Variants in NOX3 observed in about 807,000 individuals in gnomAD.
NOX3 encodes NADPH oxidase catalytic subunit-like 3.
Under a neutral mutation model 76.7 loss-of-function variants are expected in NOX3, and 74 were observed. The ratio of observed to expected loss-of-function variants is 0.96; its 90% CI spans 0.80 to 1.17. The LOEUF (loss-of-function observed/expected upper bound fraction) is 1.17. Ranked by LOEUF, NOX3 falls within the 50% of genes most tolerant of loss-of-function variation. The pLI, the probability that NOX3 is intolerant of heterozygous loss-of-function variation, is 0.00. For synonymous variants in NOX3, 263 were observed against 261.1 expected (o/e 1.01, Z -0.07); for missense variants, 695 against 703.3 (o/e 0.99, Z 0.13).
intron 6 of NOX3, 130 bp from the exon 7 acceptor site, chr6:155,436,677 C>T (rs56095190): frequency 0.046 from 41,381 of 896,830 alleles, 1,287 homozygotes; most frequent in Middle Eastern, 0.068. Flanking sequence ...TCTTGAAACT[C>T]GGGCTGTCAT....
chr6:155,413,393 T>C (rs231937), intron 10 of NOX3, among the ~76,000 whole-genome samples: 51,187 of 151,152 alleles, frequency 0.34, 11,376 homozygotes, highest in African/African-American at 0.63. Context: ...TTGGGGCCGT[T>C]GTAGACTTTC....
At chr6:155,452,638 CT>C (rs34384795) in intron 4 of NOX3, among the ~76,000 whole-genome samples, 26 of 149,586 alleles carry the variant, frequency 1.7e-4, no homozygotes, top group East Asian at 5.9e-4. Context: ...TTTTACTCTG[CT>C]TTTTTTTTTA....
intron 10 of NOX3, among the ~76,000 whole-genome samples, chr6:155,420,499 A>G (rs1040339556): frequency 6.6e-6 from 1 of 152,146 alleles, no homozygotes; most frequent in Admixed American, 6.5e-5. Flanking sequence ...TGTTAAATAT[A>G]TTATGGCGTA....
intron 7 of NOX3, among the ~76,000 whole-genome samples, chr6:155,433,057 AC>A (rs1180324425): frequency 6.6e-6 from 1 of 152,164 alleles, no homozygotes; most frequent in Non-Finnish European, 1.5e-5. Context: ...AATCTTCCCC[AC>A]CCATTTTAGA....
intron 3 of NOX3, among the ~76,000 whole-genome samples, chr6:155,453,829 T>A (rs933754326): frequency 1.3e-5 from 2 of 152,194 alleles, no homozygotes; most frequent in Admixed American, 1.3e-4. Flanking sequence ...GTCTGAAAAT[T>A]ATTCCTACAT....
intron 11 of NOX3, among the ~76,000 whole-genome samples, chr6:155,410,233 T>G (rs1776522993): frequency 6.6e-6 from 1 of 152,140 alleles, no homozygotes; most frequent in South Asian, 2.1e-4. Flanking sequence ...GCTACTGAAT[T>G]TCTAGCAGAG....
chr6:155,453,363 C>T lies in NOX3; in HGVS notation c.340+41G>A, dbSNP rs759975348. The T allele has an allele frequency of 1.1e-5, 16 of 1,404,126 alleles. No homozygotes were observed. The Admixed American group carries it at 2.3e-4, about 21-fold the overall frequency. 87.0% of individuals were successfully genotyped at this position (1,404,126 alleles called of 1,614,324 possible). A position where few individuals can be genotyped will look rare whatever the true frequency, so the allele number is the denominator to read the frequency against. On this transcript the variant is annotated intron_variant, in intron 4 of 13. Coordinates refer to ENST00000159060, the MANE Select transcript of NOX3 (RefSeq NM_015718.3). ...AAAACAAAACTATGAAGTTAGGCAT[C>T]AGATATTGTAAAATCCATTGAGCAA...
chr6:155,413,393 T>G (rs231937), intron 10 of NOX3, among the ~76,000 whole-genome samples: 1 of 151,122 alleles, frequency 6.6e-6, no homozygotes, highest in Non-Finnish European at 1.5e-5. Context: ...TTGGGGCCGT[T>G]GTAGACTTTC....
intron 12 of NOX3, among the ~76,000 whole-genome samples, chr6:155,403,962 G>A (rs1048678893): frequency 1.3e-5 from 2 of 151,918 alleles, no homozygotes; most frequent in South Asian, 4.1e-4. Flanking sequence ...AACACCATAT[G>A]AGATGTCAAA....
At position 155,422,778 on chromosome 6, in the gene NOX3, C is replaced by G. The variant is rs749400027; in HGVS notation, c.1224G>C (p.Gly408=). The stretch of plus-strand genomic sequence containing the variant: ...GAGCAGCGAAGGGAGTGACTCCGAT[C>G]CCCGCGGCAACGCACACACACACTG... ...HYPVCVCVAA[G]IGVTPFAALL... The change falls in exon 10 of 14, where the codon GGG becomes GGC. Residue 408 remains glycine (G), a synonymous_variant. Coordinates refer to ENST00000159060, the MANE Select transcript of NOX3 (RefSeq NM_015718.3). The G allele has an allele frequency of 1.9e-6, 3 of 1,614,170 alleles. No homozygotes were observed. The highest frequency in any genetic ancestry group is 1.3e-5 in the African/African-American group (1 of 75,042).
rs1373085000 is a variant in NOX3 at position 155,395,491 on chromosome 6, A to T, written c.*111T>A. 1 of 152,220 alleles carries T rather than the reference A, an allele frequency of 6.6e-6. No homozygotes were observed. Among genetic ancestry groups the T allele is most frequent in the East Asian group, 1.9e-4 (1 of 5,204 alleles). The allele number at this position is 152,220 out of a possible 1,614,324, so 9.4% of individuals were successfully genotyped here. A position where few individuals can be genotyped will look rare whatever the true frequency, so the allele number is the denominator to read the frequency against. The stretch of plus-strand genomic sequence containing the variant: ...TCACAATAGTTAATTATTATTCACC[A>T]GTTCCCAACTGGGAGCTCATATCAA... On this transcript the variant is annotated 3_prime_UTR_variant, in exon 14 of 14. Transcript: ENST00000159060.
chr6:155,403,092 T>A (rs1190113680), intron 12 of NOX3, among the ~76,000 whole-genome samples: 1 of 152,260 alleles, frequency 6.6e-6, no homozygotes, highest in East Asian at 1.9e-4. Flanking sequence ...AATTGGATTG[T>A]GTGTTTCATT....
chr6:155,452,720 A>G (rs1389692549), intron 4 of NOX3, among the ~76,000 whole-genome samples: 1 of 152,156 alleles, frequency 6.6e-6, no homozygotes. Context: ...ACAGTCCTGA[A>G]TCATAACTCC....
intron 4 of NOX3, among the ~76,000 whole-genome samples, chr6:155,446,014 C>T (rs1777061573): frequency 7.9e-6 from 1 of 127,082 alleles, no homozygotes; most frequent in African/African-American, 3.3e-5. Context: ...ATATATTGCA[C>T]ATTTTTCTTT....
chr6:155,412,164 G>A (rs527443280), intron 10 of NOX3, among the ~76,000 whole-genome samples: 8 of 151,840 alleles, frequency 5.3e-5, no homozygotes, highest in South Asian at 2.1e-4. Context: ...TCTCTCTCTC[G>A]TGCCTTCTCC....
At chr6:155,396,539 C>G (rs367817942) in intron 13 of NOX3, among the ~76,000 whole-genome samples, 1 of 152,052 alleles carries the variant, frequency 6.6e-6, no homozygotes, top group Non-Finnish European at 1.5e-5. Flanking sequence ...GGTCGATGTG[C>G]GAAAAGTGAC....
chr6:155,416,686 C>T (rs1166974539), intron 10 of NOX3, among the ~76,000 whole-genome samples: 2 of 150,700 alleles, frequency 1.3e-5, no homozygotes, highest in Admixed American at 6.6e-5. Flanking sequence ...TTTGGGCCTC[C>T]GTTTGGTCTA....
At chr6:155,440,995 G>T (rs965280939) in intron 5 of NOX3, among the ~76,000 whole-genome samples, 2 of 152,182 alleles carry the variant, frequency 1.3e-5, no homozygotes, top group African/African-American at 2.4e-5. Context: ...CTGGAATAAG[G>T]CTTGGTAAAT....
chr6:155,426,984 C>CGT (rs764029957), intron 9 of NOX3, among the ~76,000 whole-genome samples: 223 of 41,902 alleles, frequency 5.3e-3, no homozygotes, highest in Middle Eastern at 0.017. Flanking sequence ...GACACTGTGG[C>CGT]GTGTGTGTGT....
Sources: gnomAD v4.1 joint callset for allele counts (sites outside exome capture counted in the v4.1 genomes callset) on GRCh38, gnomAD v4.1.1 for gene constraint, MANE v1.5 for transcripts, NCBI Gene and HGNC (gene_info 2026-07-23, HGNC 2026-07-21) for gene names.